NLGN1: variants seen among roughly 807,000 people sequenced by gnomAD.
NLGN1 encodes the protein neuroligin 1, also known as neuroligin-1.
In NLGN1, 12 loss-of-function variants were observed where a neutral mutation model predicts 65.5. The observed-to-expected ratio is 0.18, with a 90% CI of 0.12 to 0.30. The LOEUF (loss-of-function observed/expected upper bound fraction) is 0.30. NLGN1 is among the 10% of genes least tolerant of loss of function. The pLI is 1.00. For missense variants in NLGN1, 750 were observed against 1,007.1 expected, an observed-to-expected ratio of 0.74 and a Z score of 3.46; for synonymous variants, 350 against 359.5, an observed-to-expected ratio of 0.97 and a Z score of 0.30.
intron 4 of NLGN1, among the ~76,000 whole-genome samples, chr3:173,911,769 T>C (rs2152225532): frequency 6.6e-6 from 1 of 152,312 alleles, no homozygotes; most frequent in South Asian, 2.1e-4. Flanking sequence ...ATAATAATAA[T>C]AGTGTATCTC....
intron 4 of NLGN1, among the ~76,000 whole-genome samples, chr3:174,132,086 T>C (rs1720321755): frequency 6.6e-6 from 1 of 152,214 alleles, no homozygotes; most frequent in Non-Finnish European, 1.5e-5. Context: ...GTGTGTTCCC[T>C]TGAATATACA....
chr3:173,935,616 ACACACACT>A (rs1477276710), intron 4 of NLGN1, among the ~76,000 whole-genome samples: 3 of 116,356 alleles, frequency 2.6e-5, no homozygotes, highest in African/African-American at 5.9e-5. Flanking sequence ...ACACACACAC[ACACACACT>A]CTCTCTCTCT....
chr3:174,251,580 G>C (rs754251604), intron 4 of NLGN1, among the ~76,000 whole-genome samples: 12 of 152,150 alleles, frequency 7.9e-5, no homozygotes, highest in Admixed American at 1.3e-4. Context: ...AAGTTAGCTT[G>C]TTGCATGATG....
chr3:173,954,423 T>C (rs1290029601), intron 4 of NLGN1, among the ~76,000 whole-genome samples: 1 of 152,094 alleles, frequency 6.6e-6, no homozygotes, highest in African/African-American at 2.4e-5. Context: ...GAAGTGTAAC[T>C]GCTGTCATTG....
chr3:173,468,382 ACTGT>A (rs1434078164), intron 2 of NLGN1, among the ~76,000 whole-genome samples: 1 of 152,114 alleles, frequency 6.6e-6, no homozygotes, highest in Non-Finnish European at 1.5e-5. Flanking sequence ...TAGAATATTA[ACTGT>A]CTGTGGGCCT....
chr3:173,909,446 T>C (rs972030695), intron 4 of NLGN1, among the ~76,000 whole-genome samples: 1 of 152,196 alleles, frequency 6.6e-6, no homozygotes, highest in African/African-American at 2.4e-5. Context: ...GTGTGTATCC[T>C]ATGCCAGGCA....
At chr3:173,641,073 T>C (rs1757343768) in intron 3 of NLGN1, among the ~76,000 whole-genome samples, 1 of 152,204 alleles carries the variant, frequency 6.6e-6, no homozygotes, top group African/African-American at 2.4e-5. Context: ...AGTGTACCTC[T>C]TCTGTTTCCT....
chr3:174,002,132 A>AT (rs1289353771), intron 4 of NLGN1, among the ~76,000 whole-genome samples: 1 of 151,002 alleles, frequency 6.6e-6, no homozygotes, highest in Non-Finnish European at 1.5e-5. Context: ...TGAAATCAGT[A>AT]TTTTTTTAAT....
intron 4 of NLGN1, among the ~76,000 whole-genome samples, chr3:173,900,398 CA>C (rs1036722861): frequency 6.6e-6 from 1 of 151,986 alleles, no homozygotes; most frequent in African/African-American, 2.4e-5. Flanking sequence ...TATGCAAATT[CA>C]GGTAACTAAC....
At chr3:174,059,553 T>C (rs2152515965) in intron 4 of NLGN1, among the ~76,000 whole-genome samples, 1 of 152,268 alleles carries the variant, frequency 6.6e-6, no homozygotes, top group South Asian at 2.1e-4. Context: ...GAGAGCCTTT[T>C]GTTCTTTAAG....
chr3:173,415,209 C>A lies in NLGN1; in HGVS notation c.-390+16722C>A, dbSNP rs192644299. ...TAACTCAGTTGTATGTGGTTAAATTCTGGACCTTTGAGCAAGGCTTTCGGC... is the reference window on the plus strand; with the variant it reads ...TAACTCAGTTGTATGTGGTTAAATTATGGACCTTTGAGCAAGGCTTTCGGC... On this transcript the variant is annotated intron_variant, in intron 1 of 6. Transcript: ENST00000457714. 3.9e-5 allele frequency among the ~76,000 whole-genome samples: 6 copies of A among 152,280 alleles called. No homozygotes were observed. In the East Asian group the frequency reaches 1.2e-3, roughly 29 times the overall value.
chr3:174,255,447 A>AAAAAAAAAAAAAAAAAC (rs1745532911), intron 4 of NLGN1, among the ~76,000 whole-genome samples: 1 of 150,264 alleles, frequency 6.7e-6, no homozygotes, highest in African/African-American at 2.5e-5. Flanking sequence ...AAAAAAAAAA[A>AAAAAAAAAAAAAAAAAC]AAAAAAAAAG....
Position 174,263,584 on chromosome 3 carries a change from C to T in NLGN1, c.647-11731C>T, listed in dbSNP as rs550270285. On this transcript the variant is annotated intron_variant, in intron 4 of 6. Coordinates refer to ENST00000457714, the Ensembl canonical transcript of NLGN1. ...TATTGAGCCTATGTGTGTCTCTGCA[C>T]GTGAGATGGGATTCCTGAATACAGC... Among the ~76,000 whole-genome samples, 51 of 152,112 alleles carry T rather than the reference C, an allele frequency of 3.4e-4. No homozygotes were observed. In the East Asian group the frequency reaches 6.8e-3, roughly 20 times the overall value.
chr3:173,489,190 T>C (rs977511394), intron 2 of NLGN1, among the ~76,000 whole-genome samples: 2 of 152,048 alleles, frequency 1.3e-5, no homozygotes, highest in Non-Finnish European at 2.9e-5. Flanking sequence ...ACCAATTAAC[T>C]CATCATTTAC....
intron 3 of NLGN1, among the ~76,000 whole-genome samples, chr3:173,761,263 A>G (rs1777929080): frequency 6.6e-6 from 1 of 152,076 alleles, no homozygotes; most frequent in Non-Finnish European, 1.5e-5. Flanking sequence ...TGCTTGTTCT[A>G]GTAGAGAGCT....
At chr3:173,947,670 A>G (rs1027664771) in intron 4 of NLGN1, among the ~76,000 whole-genome samples, 21 of 152,232 alleles carry the variant, frequency 1.4e-4, no homozygotes, top group African/African-American at 4.8e-4. Context: ...ACAGGCATGA[A>G]ATATCATGAA....
At chr3:174,245,659 C>T (rs1743656569) in intron 4 of NLGN1, among the ~76,000 whole-genome samples, 1 of 152,094 alleles carries the variant, frequency 6.6e-6, no homozygotes, top group Non-Finnish European at 1.5e-5. Context: ...ACTCCCAATT[C>T]TCAACATTAC....
chr3:174,202,254 T>C (rs1734635167), intron 4 of NLGN1, among the ~76,000 whole-genome samples: 1 of 152,172 alleles, frequency 6.6e-6, no homozygotes. Context: ...GTTGGTATTT[T>C]ATTCTTGTTC....
intron 4 of NLGN1, among the ~76,000 whole-genome samples, chr3:173,968,002 G>A (rs948526717): frequency 6.6e-6 from 1 of 152,118 alleles, no homozygotes; most frequent in Admixed American, 6.5e-5. Flanking sequence ...GCGTGTTCCA[G>A]TAACTTACAA....
Sources: gnomAD v4.1 joint callset for allele counts (sites outside exome capture counted in the v4.1 genomes callset) on GRCh38, gnomAD v4.1.1 for gene constraint, MANE v1.5 for transcripts, NCBI Gene and HGNC (gene_info 2026-07-23, HGNC 2026-07-21) for gene names.